The following ITGAX variants were observed in gnomAD, a reference collection of about 807,000 sequenced individuals.
ITGAX encodes the protein integrin alpha-X.
Under a neutral mutation model 140.2 loss-of-function variants are expected in ITGAX, and 99 were observed. That is an observed-to-expected ratio of 0.71 (90% CI 0.60 to 0.83). ITGAX has a LOEUF of 0.83. ITGAX is among the 40% of genes least tolerant of loss of function. The probability of loss-of-function intolerance (pLI) is 0.00; values close to 1 mark genes in which losing one functional copy is unlikely to be tolerated. For synonymous variants in ITGAX, 631 were observed against 600.4 expected, an observed-to-expected ratio of 1.05 and a Z score of -0.75; for missense variants, 1,444 against 1,482.0, an observed-to-expected ratio of 0.97 and a Z score of 0.42.
chr16:31,365,019 C>T (rs529424972), intron 14 of ITGAX, among the ~76,000 whole-genome samples: 13 of 140,858 alleles, frequency 9.2e-5, no homozygotes, highest in East Asian at 9.0e-4. Context: ...AACTCCGTCT[C>T]GAACAAACAA....
intron 7 of ITGAX, 52 bp from the exon 8 acceptor site, chr16:31,360,258 G>A: frequency 1.9e-6 from 3 of 1,553,536 alleles, no homozygotes; most frequent in Non-Finnish European, 2.6e-6. Flanking sequence ...AGGGCACCAG[G>A]GGCTAGTGTG....
intron 14 of ITGAX, among the ~76,000 whole-genome samples, chr16:31,368,079 G>C (rs573619418): frequency 6.6e-6 from 1 of 151,916 alleles, no homozygotes; most frequent in African/African-American, 2.4e-5. Context: ...AGTGGAGCCT[G>C]AATTGCTGCA....
intron 20 of ITGAX, among the ~76,000 whole-genome samples, chr16:31,376,275 G>T (rs2081018176): frequency 6.6e-6 from 1 of 152,222 alleles, no homozygotes; most frequent in East Asian, 1.9e-4. Context: ...ATACATTTGA[G>T]ATTTCTACTT....
At position 31,377,108 on chromosome 16, in the gene ITGAX, C is replaced by T. The variant is rs1462128730; in HGVS notation, c.2705+29C>T. On this transcript the variant is annotated intron_variant, in intron 22 of 29. Transcript: ENST00000268296. Reference sequence around the variant, plus strand: ...AGCCGGGCCAGGCCAGGGGCAGTGCCCCTCATCTCCAGCCTCACACCCCAT... The same window carrying T: ...AGCCGGGCCAGGCCAGGGGCAGTGCTCCTCATCTCCAGCCTCACACCCCAT... 5 of 1,612,948 alleles carry T rather than the reference C, an allele frequency of 3.1e-6. No homozygotes were observed. In the South Asian group the frequency reaches 4.4e-5, roughly 14 times the overall value.
intron 19 of ITGAX, 26 bp downstream of exon 19, chr16:31,372,696 C>T: frequency 6.2e-7 from 1 of 1,601,678 alleles, no homozygotes; most frequent in Non-Finnish European, 8.5e-7. Flanking sequence ...TTAGACCTGC[C>T]CTACTGCCCC....
rs112597435 is a variant in ITGAX at position 31,372,168 on chromosome 16, G to GC, written c.2161-210_2161-209insC. ...AGTCATTGCTGATCGGGAGGTCTGG[G>GC]GGGGGGGAGGAAAAAAACAAAGACA... is the stretch of plus-strand genomic sequence containing the variant. On this transcript the variant is annotated intron_variant, in intron 17 of 29. Coordinates refer to ENST00000268296, the MANE Select transcript of ITGAX (RefSeq NM_000887.5). Among the ~76,000 whole-genome samples, 427 of 151,718 alleles carry GC rather than the reference G, an allele frequency of 2.8e-3. 2 individuals are homozygous for GC. Among genetic ancestry groups the GC allele is most frequent in the African/African-American group, 9.3e-3 (386 of 41,370 alleles).
chr16:31,361,283 G>T, intron 9 of ITGAX, 70 bp downstream of exon 9: 1 of 1,508,502 alleles, frequency 6.6e-7, no homozygotes, highest in South Asian at 1.2e-5. Flanking sequence ...AGAACCCGAG[G>T]CTCCGTGAAA....
At chr16:31,355,364 C>G in intron 1 of ITGAX, 73 bp downstream of exon 1, 1 of 1,532,872 alleles carries the variant, frequency 6.5e-7, no homozygotes, top group Non-Finnish European at 9.0e-7. Flanking sequence ...ACTGGGGGCT[C>G]AGGCTGGGGG....
chr16:31,371,470 A>C lies in ITGAX; in HGVS notation c.1978A>C (p.Lys660Gln). 1 of 1,614,102 alleles carries C rather than the reference A, an allele frequency of 6.2e-7. No homozygotes were observed. Among genetic ancestry groups the C allele is most frequent in the Non-Finnish European group, 8.5e-7 (1 of 1,179,982 alleles). Reference sequence around the variant, plus strand: ...GTCCAACATCTGCCTTTACATTGACAAACGTTCTAAGAACCTGCTTGGGAG... The same window carrying C: ...GTCCAACATCTGCCTTTACATTGACCAACGTTCTAAGAACCTGCTTGGGAG... ...VQSNICLYID[K>Q]RSKNLLGSRD... The change falls in exon 16 of 30, where the codon AAA becomes CAA. Residue 660 changes from lysine to glutamine, a missense_variant. By Grantham distance (53) the Lys-to-Gln change is moderately conservative. Transcript: ENST00000268296.
rs2081074039 is a variant in ITGAX at position 31,382,069 on chromosome 16, TTGTCTTG to T, written c.*164_*170del. 10 of 1,437,490 alleles carry T rather than the reference TTGTCTTG, an allele frequency of 7.0e-6. No homozygotes were observed. Among genetic ancestry groups the T allele is most frequent in the Non-Finnish European group, 7.3e-6 (8 of 1,101,014 alleles). 89.0% of individuals were successfully genotyped at this position (1,437,490 alleles called of 1,614,324 possible). A position where few individuals can be genotyped will look rare whatever the true frequency, so the allele number is the denominator to read the frequency against. On this transcript the variant is annotated 3_prime_UTR_variant, in exon 30 of 30. Coordinates refer to ENST00000268296, the MANE Select transcript of ITGAX (RefSeq NM_000887.5). ...AAACGTCTTGCTTGGGAAGGGGCCT[TTGTCTTG>T]TCAAGGTTCCAACTGGAAACCCTTA...
chr16:31,382,126 C>T lies in ITGAX; in HGVS notation c.*219C>T, dbSNP rs2081074393. 7 of 1,414,744 alleles carry T rather than the reference C, an allele frequency of 4.9e-6. No individual in the cohort carries two copies. In the South Asian group the frequency reaches 6.6e-5, roughly 13 times the overall value. 87.6% of individuals were successfully genotyped at this position (1,414,744 alleles called of 1,614,324 possible). A position where few individuals can be genotyped will look rare whatever the true frequency, so the allele number is the denominator to read the frequency against. On this transcript the variant is annotated 3_prime_UTR_variant, in exon 30 of 30. Transcript: ENST00000268296. Reference sequence around the variant, plus strand: ...AGGACAGGGTCCCTGCTGTGTTCCCCAAAGGACTTGACTTGCAATTTCTAC... The same window carrying T: ...AGGACAGGGTCCCTGCTGTGTTCCCTAAAGGACTTGACTTGCAATTTCTAC...
chr16:31,381,459 C>T (rs1468781759), intron 29 of ITGAX, among the ~76,000 whole-genome samples: 4 of 151,856 alleles, frequency 2.6e-5, no homozygotes, highest in South Asian at 2.1e-4. Context: ...TTTGGGAGAT[C>T]GAGGCAGGTG....
chr16:31,378,559 T>C (rs1432778883), intron 23 of ITGAX, among the ~76,000 whole-genome samples: 2 of 151,728 alleles, frequency 1.3e-5, no homozygotes, highest in African/African-American at 4.8e-5. Flanking sequence ...CTTGAACTCC[T>C]CTTGGGCTCA....
rs769049360 is a variant in ITGAX at position 31,363,326 on chromosome 16, C to T, written c.1662C>T (p.Tyr554=). 63 of 1,613,886 alleles carry T rather than the reference C, an allele frequency of 3.9e-5. No homozygotes were observed. The highest frequency in any genetic ancestry group is 6.8e-6 in the Non-Finnish European group (8 of 1,179,958). ...PGEEENRGAV[Y]LFHGVLGPSI... The stretch of plus-strand genomic sequence containing the variant: ...AGGAGGAGAACCGGGGTGCTGTCTA[C>T]CTGTTTCACGGAGTCTTGGGACCCA... The change falls in exon 14 of 30, where the codon TAC becomes TAT. Residue 554 remains tyrosine (Y), a synonymous_variant. Coordinates refer to ENST00000268296, the MANE Select transcript of ITGAX (RefSeq NM_000887.5).
chr16:31,361,916 G>T lies in ITGAX; in HGVS notation c.1086+7G>T. On this transcript the variant is annotated splice_region_variant and intron_variant, in intron 10 of 29. Transcript: ENST00000268296. ...CAGCGCTGTGTTCACACCTGTGAGT[G>T]GGGCCCCTTAGGCCGATGATGTGCC... is the stretch of plus-strand genomic sequence containing the variant. 1 of 1,613,988 alleles carries T rather than the reference G, an allele frequency of 6.2e-7. No homozygotes were observed. Among genetic ancestry groups the T allele is most frequent in the Non-Finnish European group, 8.5e-7 (1 of 1,179,966 alleles).
intron 23 of ITGAX, among the ~76,000 whole-genome samples, chr16:31,379,014 C>T (rs1190359327): frequency 1.3e-5 from 2 of 152,030 alleles, no homozygotes; most frequent in Non-Finnish European, 2.9e-5. Flanking sequence ...TGGTGTTTCT[C>T]CATGTTGGCC....
intron 19 of ITGAX, 150 bp from the exon 20 acceptor site, chr16:31,373,099 A>C (rs2080986663): frequency 1.4e-6 from 1 of 705,974 alleles, no homozygotes; most frequent in Admixed American, 3.5e-5. Context: ...TCTCTTAAAA[A>C]AAAAGAAGAA....
intron 20 of ITGAX, among the ~76,000 whole-genome samples, chr16:31,373,688 A>T (rs1230165042): frequency 6.6e-6 from 1 of 152,190 alleles, no homozygotes; most frequent in African/African-American, 2.4e-5. Context: ...ATTTTAAAAC[A>T]CTGTTCTGTA....
In ITGAX at chr16:31,371,113, G is replaced by C. The variant is rs2080952091; in HGVS notation, c.1740G>C (p.Arg580Ser). ...TCGCGGGCTCCCAGCTCTCCTCCAG[G>C]CTGCAGTATTTTGGGCAGGCACTGA... is the stretch of plus-strand genomic sequence containing the variant. ...QRIAGSQLSS[R>S]LQYFGQALSG... is the part of the protein sequence containing the mutation. Residue 580 changes from arginine (R) to serine (S), a missense_variant, in exon 15 of 30, where the codon AGG becomes AGC. Physicochemically the swap from Arg to Ser is moderately radical, Grantham distance 110 (BLOSUM62 -1). Coordinates refer to ENST00000268296, the MANE Select transcript of ITGAX (RefSeq NM_000887.5). The C allele has an allele frequency of 6.2e-7, 1 of 1,613,954 alleles. No individual in the cohort carries two copies.
Sources: gnomAD v4.1 joint callset for allele counts (sites outside exome capture counted in the v4.1 genomes callset) on GRCh38, gnomAD v4.1.1 for gene constraint, MANE v1.5 for transcripts, NCBI Gene and HGNC (gene_info 2026-07-23, HGNC 2026-07-21) for gene names.